Variants in TUB observed in about 807,000 individuals in gnomAD.
The protein encoded by TUB is tubby protein homolog.
A neutral mutation model predicts 59.7 loss-of-function variants in TUB; 33 were observed. That is an observed-to-expected ratio of 0.55 (90% CI 0.42 to 0.74). The LOEUF (loss-of-function observed/expected upper bound fraction) is 0.74. Among genes scored for constraint, TUB ranks in the 30% least tolerant of loss-of-function variants. The pLI is 0.00. For missense variants in TUB, 659 were observed against 672.0 expected, an observed-to-expected ratio of 0.98 and a Z score of 0.21; for synonymous variants, 293 against 256.4, an observed-to-expected ratio of 1.14 and a Z score of -1.36.
rs1943012860 is a variant in TUB, at chr11:8,055,936, C to G, written c.203+16244C>G. On this transcript the variant is annotated intron_variant, in intron 2 of 12. Coordinates refer to the TUB transcript ENST00000305253. ...CAGGGGAGCCTGGGCTCAGCGTTCACTGCAGCCTGGGCAAGGCCCTTAAGC... is the reference window on the plus strand; with the variant it reads ...CAGGGGAGCCTGGGCTCAGCGTTCAGTGCAGCCTGGGCAAGGCCCTTAAGC... 2.0e-5 allele frequency among the ~76,000 whole-genome samples: 3 copies of G among 152,318 alleles called. No homozygotes were observed. In the South Asian group the frequency reaches 6.2e-4, roughly 32 times the overall value.
At chr11:8,060,770 C>A (rs900590666) in intron 2 of TUB, among the ~76,000 whole-genome samples, 2 of 152,226 alleles carry the variant, frequency 1.3e-5, no homozygotes, top group Non-Finnish European at 2.9e-5. Context: ...GCCAGAGGAT[C>A]CCTTATACTG....
intron 1 of TUB, among the ~76,000 whole-genome samples, chr11:8,025,856 A>T (rs1942493502): frequency 1.3e-5 from 2 of 152,226 alleles, no homozygotes; most frequent in Non-Finnish European, 1.5e-5. Context: ...GAATCATATA[A>T]TAGGTCTACA....
rs550890652 is a variant in TUB at position 8,085,474 on chromosome 11, C to T, written c.38+3926C>T. On this transcript the variant is annotated intron_variant, in intron 1 of 11. Transcript: ENST00000299506. ...GAGCTGCACTGGTTCCCACTGTGTCCCAGTAAGCTGCCAGGCGACAGAAGC... is the reference window on the plus strand; with the variant it reads ...GAGCTGCACTGGTTCCCACTGTGTCTCAGTAAGCTGCCAGGCGACAGAAGC... Among the ~76,000 whole-genome samples, 6 of 152,316 alleles carry T rather than the reference C, an allele frequency of 3.9e-5. No individual in the cohort carries two copies. In the South Asian group the frequency reaches 1.2e-3, roughly 32 times the overall value.
chr11:8,030,829 C>T (rs192736108), intron 1 of TUB, among the ~76,000 whole-genome samples: 1 of 152,244 alleles, frequency 6.6e-6, no homozygotes, highest in East Asian at 1.9e-4. Context: ...AGGTCACGTT[C>T]CTCTACAAAG....
intron 1 of TUB, among the ~76,000 whole-genome samples, chr11:8,084,724 A>G (rs1332780271): frequency 6.6e-6 from 1 of 152,186 alleles, no homozygotes; most frequent in Non-Finnish European, 1.5e-5. Context: ...ATCCCGGGAT[A>G]GCCTCTAGGG....
intron 1 of TUB, among the ~76,000 whole-genome samples, chr11:8,085,932 T>C (rs1943656272): frequency 6.6e-6 from 1 of 151,622 alleles, no homozygotes; most frequent in Admixed American, 6.6e-5. Context: ...GGGAAGTGAG[T>C]GGATGTAGAG....
rs767546140 is a variant in TUB, at chr11:8,104,500, T to C, written c.*2881T>C. 35 of 152,236 alleles carry C rather than the reference T, an allele frequency of 2.3e-4. No individual in the cohort carries two copies. Among genetic ancestry groups the C allele is most frequent in the Admixed American group, 5.9e-4 (9 of 15,282 alleles). 9.4% of individuals were successfully genotyped at this position (152,236 alleles called of 1,614,324 possible). A position where few individuals can be genotyped will look rare whatever the true frequency, so the allele number is the denominator to read the frequency against. On this transcript the variant is annotated 3_prime_UTR_variant, in exon 12 of 12. Coordinates refer to ENST00000299506, the MANE Select transcript of TUB (RefSeq NM_177972.3). ...CAGCAATCAACTGAGGTTTCTTAAT[T>C]GTGATTATATTCCTGAGAATGAATG... is the stretch of plus-strand genomic sequence containing the variant.
At chr11:8,025,891 A>G (rs942179823) in intron 1 of TUB, among the ~76,000 whole-genome samples, 3 of 152,208 alleles carry the variant, frequency 2.0e-5, no homozygotes, top group Admixed American at 6.5e-5. Context: ...AAACTGCCCA[A>G]CTTTTCCAAA....
intron 1 of TUB, chr11:8,039,441 GC>G (rs1304063555): frequency 6.4e-6 from 3 of 467,156 alleles, no homozygotes; most frequent in Middle Eastern, 5.2e-4. Flanking sequence ...CTGCCTGCCT[GC>G]CTGCCTGCCA....
chr11:8,038,600 T>C (rs1205459588), upstream of TUB: 7 of 1,154,198 alleles, frequency 6.1e-6, no homozygotes, highest in Non-Finnish European at 7.5e-6. Flanking sequence ...AAACCAGCAA[T>C]TGGGTGTCCC....
chr11:8,067,814 TC>T (rs1420714415), intron 2 of TUB: 1 of 152,296 alleles, frequency 6.6e-6, no homozygotes, highest in Non-Finnish European at 1.5e-5. Context: ...TCCTCACACA[TC>T]CTGTCTCTAA....
At chr11:8,077,403 T>C (rs1943467070), upstream of TUB, 1 of 152,228 alleles carries the variant, frequency 6.6e-6, no homozygotes. Flanking sequence ...CACCTATTGG[T>C]TGAATGCTGC....
At chr11:8,083,427 G>C (rs1160581616) in intron 1 of TUB, among the ~76,000 whole-genome samples, 2 of 152,206 alleles carry the variant, frequency 1.3e-5, no homozygotes, top group Non-Finnish European at 2.9e-5. Flanking sequence ...GAGTGTGCAG[G>C]GGTCTTAGAG....
At chr11:8,040,409 C>T (rs181306500) in intron 2 of TUB, among the ~76,000 whole-genome samples, 361 of 152,246 alleles carry the variant, frequency 2.4e-3, no homozygotes, top group African/African-American at 7.8e-3. Context: ...TCTGTCTGTC[C>T]TTCCAAGGGA....
At position 8,038,737 on chromosome 11, in the gene TUB, G is replaced by A. The variant is rs573362012; in HGVS notation, c.-137G>A. Reference sequence around the variant, plus strand: ...GATGGTGGTTGTTAGTCTGACTGTTGCCACGGTGATGAAGGGAGACATCCA... The same window carrying A: ...GATGGTGGTTGTTAGTCTGACTGTTACCACGGTGATGAAGGGAGACATCCA... On this transcript the variant is annotated 5_prime_UTR_variant, in exon 1 of 13. Coordinates refer to the TUB transcript ENST00000305253. 2.3e-4 allele frequency: 343 copies of A among 1,499,982 alleles called. 6 individuals carry two copies. In the South Asian group the frequency reaches 4.4e-3, roughly 19 times the overall value. 92.9% of individuals were successfully genotyped at this position (1,499,982 alleles called of 1,614,324 possible). A position where few individuals can be genotyped will look rare whatever the true frequency, so the allele number is the denominator to read the frequency against.
At chr11:8,067,232 G>C (rs1943262178) in intron 2 of TUB, among the ~76,000 whole-genome samples, 1 of 152,200 alleles carries the variant, frequency 6.6e-6, no homozygotes, top group Non-Finnish European at 1.5e-5. Flanking sequence ...CCGGCACAGG[G>C]CATTGTTGCT....
At chr11:8,069,349 A>G (rs1403718698) in intron 2 of TUB, 2 of 141,736 alleles carry the variant, frequency 1.4e-5, no homozygotes, top group Non-Finnish European at 3.1e-5. Context: ...CACTTTTGTC[A>G]TAATGATTTT....
upstream of TUB, chr11:8,038,544 T>C: frequency 9.7e-7 from 1 of 1,033,710 alleles, no homozygotes; most frequent in Middle Eastern, 4.4e-4. Flanking sequence ...TGGGTTGCTA[T>C]AGTAACCCAC....
intron 2 of TUB, among the ~76,000 whole-genome samples, chr11:8,043,838 T>C (rs867388124): frequency 1.3e-5 from 2 of 152,212 alleles, no homozygotes; most frequent in Non-Finnish European, 2.9e-5. Flanking sequence ...CACAAGATTA[T>C]GTCTTGTATG....
Sources: gnomAD v4.1 joint callset for allele counts (sites outside exome capture counted in the v4.1 genomes callset) on GRCh38, gnomAD v4.1.1 for gene constraint, MANE v1.5 for transcripts, NCBI Gene and HGNC (gene_info 2026-07-23, HGNC 2026-07-21) for gene names.